GRHL2: variants seen among roughly 807,000 people sequenced by gnomAD.
The protein encoded by GRHL2 is grainyhead like transcription factor 2.
Under a neutral mutation model 83.8 loss-of-function variants are expected in GRHL2, and 21 were observed. That is an observed-to-expected ratio of 0.25 (90% CI 0.18 to 0.36). GRHL2 has a LOEUF of 0.36. Ranked by LOEUF, GRHL2 falls within the 10% of genes least tolerant of loss-of-function variation. The pLI is 1.00. For synonymous variants in GRHL2, 280 were observed against 278.9 expected (o/e 1.00, Z -0.04); for missense variants, 623 against 781.8 (o/e 0.80, Z 2.42).
At chr8:101,505,593 A>AAC (rs1458608098) in intron 1 of GRHL2, among the ~76,000 whole-genome samples, 1 of 151,546 alleles carries the variant, frequency 6.6e-6, no homozygotes, top group Non-Finnish European at 1.5e-5. Flanking sequence ...AAAAAAAAAA[A>AAC]AAAACAGTGT....
At chr8:101,493,067 C>T (rs967051231) in intron 1 of GRHL2, among the ~76,000 whole-genome samples, 1 of 152,152 alleles carries the variant, frequency 6.6e-6, no homozygotes, top group African/African-American at 2.4e-5. Context: ...TCAGCTCCCG[C>T]TCCTGGATGA....
intron 1 of GRHL2, among the ~76,000 whole-genome samples, chr8:101,497,799 T>G (rs2129959192): frequency 6.6e-6 from 1 of 152,356 alleles, no homozygotes; most frequent in East Asian, 1.9e-4. Flanking sequence ...GTATATCCAA[T>G]GTGTAAGTGA....
chr8:101,657,494 T>C (rs1229033691), intron 14 of GRHL2, among the ~76,000 whole-genome samples: 1 of 152,158 alleles, frequency 6.6e-6, no homozygotes, highest in Non-Finnish European at 1.5e-5. Flanking sequence ...AATGCACTTT[T>C]TATAAAATGC....
chr8:101,641,259 A>G (rs7839287), intron 12 of GRHL2, among the ~76,000 whole-genome samples: 16,503 of 152,140 alleles, frequency 0.11, 1,860 homozygotes, highest in African/African-American at 0.29. Flanking sequence ...ACCCTACTTT[A>G]TAATGTGAAA....
At chr8:101,558,024 C>T (rs1358863370) in intron 3 of GRHL2, among the ~76,000 whole-genome samples, 1 of 152,176 alleles carries the variant, frequency 6.6e-6, no homozygotes, top group East Asian at 1.9e-4. Context: ...GCCACCACTC[C>T]TGGCTAATTT....
chr8:101,559,733 A>C (rs1431403677), intron 4 of GRHL2, among the ~76,000 whole-genome samples: 1 of 152,192 alleles, frequency 6.6e-6, no homozygotes, highest in Admixed American at 6.5e-5. Flanking sequence ...CTAAGTGCAC[A>C]GTTGAGAATT....
At chr8:101,640,135 TATC>T (rs1813370510) in intron 12 of GRHL2, among the ~76,000 whole-genome samples, 1 of 152,220 alleles carries the variant, frequency 6.6e-6, no homozygotes, top group Non-Finnish European at 1.5e-5. Flanking sequence ...GTTTAAAAAA[TATC>T]ATGCCAGTCA....
intron 1 of GRHL2, among the ~76,000 whole-genome samples, chr8:101,508,526 T>C (rs1469817347): frequency 6.6e-6 from 1 of 151,564 alleles, no homozygotes; most frequent in Non-Finnish European, 1.5e-5. Flanking sequence ...TAAAAAAGAG[T>C]TTGTTAGCAG....
At position 101,558,895 on chromosome 8, in the gene GRHL2, T is replaced by C. The variant is rs1049984803; in HGVS notation, c.678+83T>C. 306 of 1,425,460 alleles carry C rather than the reference T, an allele frequency of 2.1e-4. 3 individuals are homozygous for C. In the South Asian group the frequency reaches 3.4e-3, roughly 16 times the overall value. The allele number at this position is 1,425,460 out of a possible 1,614,324, so 88.3% of individuals were successfully genotyped here. A position where few individuals can be genotyped will look rare whatever the true frequency, so the allele number is the denominator to read the frequency against. ...TTTTCTATTTCCTTTCAAAGTGTGATAAATGAATTAAACAGCAAGTTTTAG... is the reference window on the plus strand; with the variant it reads ...TTTTCTATTTCCTTTCAAAGTGTGACAAATGAATTAAACAGCAAGTTTTAG... On this transcript the variant is annotated intron_variant, in intron 4 of 15. Coordinates refer to ENST00000646743, the MANE Select transcript of GRHL2 (RefSeq NM_024915.4).
chr8:101,543,476 A>C lies in GRHL2; in HGVS notation c.216+40A>C, dbSNP rs202225242. On this transcript the variant is annotated intron_variant, in intron 2 of 15. Transcript: ENST00000646743. ...TCCACTTTTCTCTTCTTCCTGCTCC[A>C]GGACAACCCTTTGCTGGTGGGAAGA... is the stretch of plus-strand genomic sequence containing the variant. 7.0e-6 allele frequency: 11 copies of C among 1,575,210 alleles called. No individual in the cohort carries two copies. The African/African-American group carries it at 1.3e-4, about 19-fold the overall frequency.
chr8:101,537,338 TAAAG>T (rs1468652069), intron 1 of GRHL2, among the ~76,000 whole-genome samples: 4 of 152,012 alleles, frequency 2.6e-5, no homozygotes, highest in Non-Finnish European at 4.4e-5. Context: ...TGGTCAGAGT[TAAAG>T]AAAGAAGAGG....
At chr8:101,495,029 T>A (rs925522763) in intron 1 of GRHL2, among the ~76,000 whole-genome samples, 2 of 152,368 alleles carry the variant, frequency 1.3e-5, no homozygotes, top group East Asian at 3.9e-4. Flanking sequence ...TGGATCATTT[T>A]TGCGAATTCT....
chr8:101,662,880 T>TATATATATATATATATA (rs1813953342), intron 14 of GRHL2, among the ~76,000 whole-genome samples: 1 of 151,534 alleles, frequency 6.6e-6, no homozygotes, highest in African/African-American at 2.4e-5. Context: ...CATATATATA[T>TATATATATATATATATA]TTAAAAATAC....
intron 7 of GRHL2, among the ~76,000 whole-genome samples, chr8:101,582,937 A>G (rs1812087368): frequency 6.6e-6 from 1 of 152,198 alleles, no homozygotes; most frequent in African/African-American, 2.4e-5. Context: ...TGTTGAATGA[A>G]GCAGATTTTA....
At chr8:101,544,175 A>G (rs1387386540) in intron 2 of GRHL2, 2 of 152,204 alleles carry the variant, frequency 1.3e-5, no homozygotes, top group Non-Finnish European at 2.9e-5. Context: ...GTTATTGCTC[A>G]GTGGTTGAAC....
chr8:101,635,199 A>G (rs1813262601), intron 11 of GRHL2, among the ~76,000 whole-genome samples: 1 of 152,194 alleles, frequency 6.6e-6, no homozygotes, highest in Non-Finnish European at 1.5e-5. Flanking sequence ...TCATCTTTTG[A>G]GTTAAAATTC....
intron 4 of GRHL2, among the ~76,000 whole-genome samples, chr8:101,563,301 C>A (rs1811644052): frequency 6.6e-6 from 1 of 152,126 alleles, no homozygotes; most frequent in Non-Finnish European, 1.5e-5. Context: ...TTGCTTAAGA[C>A]AGTGATTCAC....
the GRHL2 span, among the ~76,000 whole-genome samples, chr8:101,676,789 T>A: frequency 6.6e-5 from 10 of 152,258 alleles, no homozygotes; most frequent in African/African-American, 2.4e-4. Context: ...CTATTCACAA[T>A]AGCAAAGACT....
chr8:101,668,736 G>C lies in GRHL2; in HGVS notation c.*2033G>C, dbSNP rs1814136477. On this transcript the variant is annotated 3_prime_UTR_variant, in exon 16 of 16. Transcript: ENST00000646743. ...ACTATGCACTTCCCATGCTCCTAGGGTTAGGAATAGTTTCAAACATGATTG... is the reference window on the plus strand; with the variant it reads ...ACTATGCACTTCCCATGCTCCTAGGCTTAGGAATAGTTTCAAACATGATTG... 1 of 152,186 alleles carries C rather than the reference G, an allele frequency of 6.6e-6. No homozygotes were observed. Among genetic ancestry groups the C allele is most frequent in the East Asian group, 1.9e-4 (1 of 5,192 alleles). The allele number at this position is 152,186 out of a possible 1,614,324, so 9.4% of individuals were successfully genotyped here.
Sources: allele counts gnomAD v4.1 joint callset (sites outside exome capture counted in the v4.1 genomes callset), GRCh38; gene constraint gnomAD v4.1.1; transcripts MANE v1.5; gene names NCBI Gene and HGNC (gene_info 2026-07-23, HGNC 2026-07-21).